Variants in JAK1 observed in about 807,000 individuals in gnomAD.
JAK1 encodes Janus kinase 1.
In JAK1, 16 loss-of-function variants were observed where a neutral mutation model predicts 136.6. That is an observed-to-expected ratio of 0.12 (90% CI 0.08 to 0.18). The LOEUF (loss-of-function observed/expected upper bound fraction) is 0.18, where lower values mean the gene tolerates loss of function less well. Ranked by LOEUF, JAK1 falls within the 10% of genes least tolerant of loss-of-function variation. The probability of loss-of-function intolerance (pLI) is 1.00; values close to 1 mark genes in which losing one functional copy is unlikely to be tolerated. For synonymous variants in JAK1, 492 were observed against 519.5 expected (o/e 0.95, Z 0.72); for missense variants, 859 against 1,450.1 (o/e 0.59, Z 6.62).
chr1:65,058,920 A>G (rs1018911674), intron 1 of JAK1, among the ~76,000 whole-genome samples: 6 of 152,168 alleles, frequency 3.9e-5, no homozygotes, highest in African/African-American at 1.4e-4. Flanking sequence ...CCTCTTCTAG[A>G]TGTTCAGGAA....
intron 9 of JAK1, 26 bp from the exon 10 acceptor site, chr1:64,857,805 G>A (rs748734586): frequency 1.7e-5 from 28 of 1,613,374 alleles, no homozygotes; most frequent in Non-Finnish European, 2.3e-5. Flanking sequence ...GGCAAAGGGA[G>A]AAAGAGCTCA....
chr1:64,841,170 T>C lies in JAK1; in HGVS notation c.2649+75A>G, dbSNP rs963681. 2.5e-5 allele frequency: 26 copies of C among 1,036,010 alleles called. 5 individuals carry two copies. The highest frequency in any genetic ancestry group is 1.9e-5 in the Admixed American group (1 of 52,208). The allele number at this position is 1,036,010 out of a possible 1,614,324, so 64.2% of individuals were successfully genotyped here. A position where few individuals can be genotyped will look rare whatever the true frequency, so the allele number is the denominator to read the frequency against. ...AGAATGAAAAAGAATGGAGAGCAGCTGTACGTGCAGAGAGTGGCGCTGTGG... is the reference window on the plus strand; with the variant it reads ...AGAATGAAAAAGAATGGAGAGCAGCCGTACGTGCAGAGAGTGGCGCTGTGG... On this transcript the variant is annotated intron_variant, in intron 19 of 24. Coordinates refer to ENST00000342505, the MANE Select transcript of JAK1 (RefSeq NM_002227.4).
At chr1:64,903,705 G>A (rs1039427832) in intron 1 of JAK1, among the ~76,000 whole-genome samples, 1 of 152,178 alleles carries the variant, frequency 6.6e-6, no homozygotes, top group Non-Finnish European at 1.5e-5. Context: ...AGTGCTGATA[G>A]CATCATAAAG....
chr1:64,869,576 G>C, intron 5 of JAK1, 102 bp from the exon 6 acceptor site: 1 of 867,154 alleles, frequency 1.2e-6, no homozygotes, highest in Non-Finnish European at 1.8e-6. Context: ...GCACAGCAAC[G>C]AGACGAATCA....
At chr1:64,854,650 G>C (rs539649197) in intron 11 of JAK1, among the ~76,000 whole-genome samples, 65 of 150,886 alleles carry the variant, frequency 4.3e-4, no homozygotes, top group African/African-American at 1.6e-3. Context: ...CGCCATTCAA[G>C]AGGCTTAACA....
intron 1 of JAK1, among the ~76,000 whole-genome samples, chr1:64,913,976 G>T (rs1340443062): frequency 6.6e-6 from 1 of 152,180 alleles, no homozygotes; most frequent in Non-Finnish European, 1.5e-5. Flanking sequence ...GCGTTGGGGG[G>T]TGAGTGGCCA....
intron 3 of JAK1, among the ~76,000 whole-genome samples, chr1:64,880,355 A>T (rs1431327710): frequency 1.2e-4 from 19 of 152,230 alleles, no homozygotes; most frequent in South Asian, 4.1e-4. Context: ...TGGATTCAGT[A>T]TTATTAGGAC....
chr1:64,968,599 G>A (rs759828254), upstream of JAK1, among the ~76,000 whole-genome samples: 3 of 151,852 alleles, frequency 2.0e-5, no homozygotes, highest in Non-Finnish European at 4.4e-5. Context: ...CACCAACTTG[G>A]GCAACACAGC....
chr1:65,043,402 G>T (rs866532110), intron 2 of JAK1, among the ~76,000 whole-genome samples: 2 of 151,954 alleles, frequency 1.3e-5, no homozygotes, highest in African/African-American at 4.8e-5. Flanking sequence ...TTTTTTAAAT[G>T]TATAGACTTC....
At chr1:64,900,557 C>A (rs1645088982) in intron 1 of JAK1, among the ~76,000 whole-genome samples, 1 of 152,172 alleles carries the variant, frequency 6.6e-6, no homozygotes, top group Admixed American at 6.5e-5. Context: ...GCGACCATAT[C>A]CACTTGGGGA....
intron 2 of JAK1, among the ~76,000 whole-genome samples, chr1:64,998,819 T>C (rs1646727297): frequency 6.6e-6 from 1 of 152,202 alleles, no homozygotes; most frequent in South Asian, 2.1e-4. Context: ...TCCACCATGA[T>C]TGTGAGGCCT....
rs368056536 is a variant in JAK1, at chr1:65,009,138, G to C, written c.-78+35342C>G. Among the ~76,000 whole-genome samples the C allele has an allele frequency of 1.2e-4, 18 of 151,876 alleles. 1 individual carries two copies. Among genetic ancestry groups the C allele is most frequent in the Admixed American group, 3.3e-4 (5 of 15,234 alleles). On this transcript the variant is annotated intron_variant, in intron 2 of 25. Transcript: ENST00000671954. ...ACAGAAGAATGGTTAAAGCATCTAT[G>C]GTATAGCCATCCTATAGAATTTAAT...
chr1:64,864,145 G>A (rs2101098281), intron 8 of JAK1, among the ~76,000 whole-genome samples: 1 of 152,310 alleles, frequency 6.6e-6, no homozygotes, highest in East Asian at 1.9e-4. Context: ...CTTTCCTGGT[G>A]TTGGCTCCAC....
intron 2 of JAK1, among the ~76,000 whole-genome samples, chr1:65,031,961 CTTT>C (rs68164546): frequency 7.4e-6 from 1 of 135,326 alleles, no homozygotes. Flanking sequence ...TTTTCTTTTT[CTTT>C]TTTTTTTTTT....
chr1:64,902,485 C>A (rs1040900693), intron 1 of JAK1, among the ~76,000 whole-genome samples: 1 of 151,248 alleles, frequency 6.6e-6, no homozygotes, highest in African/African-American at 2.4e-5. Flanking sequence ...ATGTACTATG[C>A]CCTGCACAAG....
intron 1 of JAK1, among the ~76,000 whole-genome samples, chr1:64,958,131 G>A (rs1207119976): frequency 2.0e-5 from 3 of 152,128 alleles, no homozygotes; most frequent in South Asian, 4.1e-4. Flanking sequence ...GAGATCTACA[G>A]AGAGTTGCTG....
At chr1:64,838,424 C>G (rs1263019712) in intron 21 of JAK1, 41 bp downstream of exon 21, 1 of 1,603,866 alleles carries the variant, frequency 6.2e-7, no homozygotes, top group African/African-American at 1.3e-5. Flanking sequence ...GGACAGAGTG[C>G]CTGATGTCTT....
chr1:64,856,158 G>A (rs1414599660), intron 10 of JAK1, among the ~76,000 whole-genome samples: 1 of 152,218 alleles, frequency 6.6e-6, no homozygotes, highest in African/African-American at 2.4e-5. Flanking sequence ...AGCCCTTCCA[G>A]GCCATGTCTC....
chr1:65,052,896 C>T (rs898339773), intron 1 of JAK1, among the ~76,000 whole-genome samples: 8 of 142,182 alleles, frequency 5.6e-5, no homozygotes, highest in African/African-American at 1.8e-4. Context: ...CCAAGCATGG[C>T]GGCGCATGCC....
Sources: allele counts gnomAD v4.1 joint callset (sites outside exome capture counted in the v4.1 genomes callset), GRCh38; gene constraint gnomAD v4.1.1; transcripts MANE v1.5; gene names NCBI Gene and HGNC (gene_info 2026-07-23, HGNC 2026-07-21).